Variants in CGNL1 observed in about 807,000 individuals in gnomAD.
CGNL1 encodes the protein cingulin-like protein 1.
A neutral mutation model predicts 141.2 loss-of-function variants in CGNL1; 132 were observed. That is an observed-to-expected ratio of 0.93 (90% CI 0.81 to 1.08). The LOEUF (loss-of-function observed/expected upper bound fraction) is 1.08, where lower values mean the gene tolerates loss of function less well. Ranked by LOEUF, CGNL1 falls within the 50% of genes least tolerant of loss-of-function variation. CGNL1 has a pLI of 0.00. For missense variants in CGNL1, 1,870 were observed against 1,588.6 expected (o/e 1.18, Z -3.01); for synonymous variants, 690 against 622.1 (o/e 1.11, Z -1.63).
intron 14 of CGNL1, among the ~76,000 whole-genome samples, chr15:57,538,917 C>T (rs1249761100): frequency 6.6e-6 from 1 of 152,140 alleles, no homozygotes; most frequent in Non-Finnish European, 1.5e-5. Context: ...GAGTTTTTGT[C>T]AGAAAACCTA....
At chr15:57,472,648 C>A (rs1467384853) in intron 8 of CGNL1, among the ~76,000 whole-genome samples, 5 of 152,190 alleles carry the variant, frequency 3.3e-5, no homozygotes, top group Non-Finnish European at 7.3e-5. Flanking sequence ...CTGTCCCTGT[C>A]TCTCCTGACT....
intron 12 of CGNL1, among the ~76,000 whole-genome samples, chr15:57,524,993 T>G (rs6493933): frequency 6.6e-6 from 1 of 151,960 alleles, no homozygotes; most frequent in Admixed American, 6.6e-5. Flanking sequence ...GATGAATCTA[T>G]AATTTTTTGC....
chr15:57,493,476 C>G (rs1472535292), intron 8 of CGNL1, among the ~76,000 whole-genome samples: 1 of 152,082 alleles, frequency 6.6e-6, no homozygotes, highest in East Asian at 1.9e-4. Flanking sequence ...AGAGACAGCC[C>G]AAGTACAATA....
intron 8 of CGNL1, among the ~76,000 whole-genome samples, chr15:57,491,808 A>G (rs1255149412): frequency 6.6e-6 from 1 of 152,216 alleles, no homozygotes; most frequent in Non-Finnish European, 1.5e-5. Context: ...AAGTGCTTTA[A>G]AAATATGTTC....
chr15:57,438,682 A>G lies in CGNL1; in HGVS notation c.683A>G (p.Lys228Arg). 2 of 1,614,176 alleles carry G rather than the reference A, an allele frequency of 1.2e-6. No homozygotes were observed. Among genetic ancestry groups the G allele is most frequent in the East Asian group, 4.5e-5 (2 of 44,880 alleles). Reference protein sequence around the residue: ...LCSSVVIEDPKKQTSVCVNVQ... With the variant: ...LCSSVVIEDPRKQTSVCVNVQ... ...AGCTCCGTGGTCATAGAGGACCCCA[A>G]AAAGCAGACCTCAGTGTGTGTAAAC... The change falls in exon 2 of 19, where the codon AAA (lysine) becomes AGA (arginine). Residue 228 changes from lysine (K) to arginine (R), a missense_variant. By Grantham distance (26) the Lys-to-Arg change is conservative. Coordinates refer to ENST00000281282, the MANE Select transcript of CGNL1 (RefSeq NM_032866.5).
At chr15:57,490,295 T>C (rs58764014) in intron 8 of CGNL1, among the ~76,000 whole-genome samples, 4,210 of 152,182 alleles carry the variant, frequency 0.028, 186 homozygotes, top group African/African-American at 0.096. Flanking sequence ...TTCTATGACG[T>C]TGATGCATTT....
At chr15:57,453,365 T>C (rs2063342803) in intron 6 of CGNL1, among the ~76,000 whole-genome samples, 1 of 152,238 alleles carries the variant, frequency 6.6e-6, no homozygotes, top group African/African-American at 2.4e-5. Flanking sequence ...GAAATTTTTC[T>C]GTTTCATTTC....
chr15:57,516,922 A>G lies in CGNL1; in HGVS notation c.2546A>G (p.Gln849Arg), dbSNP rs1296517301. The change falls in exon 9 of 19, where the codon CAA (glutamine) becomes CGA (arginine). Residue 849 changes from glutamine (Q) to arginine (R), a missense_variant. Gln to Arg is a conservative substitution (Grantham distance 43, BLOSUM62 1). Transcript: ENST00000281282. ...EELERRVAQL[Q>R]RQIEDLKGDE... ...CTGGAGCGGAGAGTTGCTCAGCTTC[A>G]AAGGCAGATCGAGGACCTGAAAGGC... is the stretch of plus-strand genomic sequence containing the variant. The G allele has an allele frequency of 1.2e-6, 2 of 1,613,522 alleles. No individual in the cohort carries two copies. The highest frequency in any genetic ancestry group is 1.7e-6 in the Non-Finnish European group (2 of 1,180,038).
At chr15:57,468,739 G>T (rs143065740) in intron 8 of CGNL1, among the ~76,000 whole-genome samples, 1 of 152,114 alleles carries the variant, frequency 6.6e-6, no homozygotes. Context: ...CCTAAATCTC[G>T]TCTTGAATTG....
chr15:57,525,640 A>T (rs529061153), intron 12 of CGNL1, among the ~76,000 whole-genome samples: 1 of 152,166 alleles, frequency 6.6e-6, no homozygotes, highest in African/African-American at 2.4e-5. Flanking sequence ...TGCCGAGAGC[A>T]CCAAGATTCC....
At chr15:57,380,699 T>C (rs2062414889) in intron 1 of CGNL1, among the ~76,000 whole-genome samples, 1 of 151,182 alleles carries the variant, frequency 6.6e-6, no homozygotes, top group African/African-American at 2.4e-5. Context: ...AGGTGGGAGG[T>C]GGAGGAAGAG....
At chr15:57,455,890 T>C (rs1176533911) in intron 7 of CGNL1, among the ~76,000 whole-genome samples, 1 of 152,174 alleles carries the variant, frequency 6.6e-6, no homozygotes, top group African/African-American at 2.4e-5. Flanking sequence ...GCACATATTT[T>C]CTTAAACCTG....
chr15:57,526,052 T>C (rs191839023), intron 12 of CGNL1, among the ~76,000 whole-genome samples: 1 of 152,266 alleles, frequency 6.6e-6, no homozygotes, highest in Admixed American at 6.5e-5. Flanking sequence ...ATGATTTTTA[T>C]GATAGAATCC....
At chr15:57,435,954 C>G (rs1343934825) in intron 1 of CGNL1, among the ~76,000 whole-genome samples, 1 of 152,156 alleles carries the variant, frequency 6.6e-6, no homozygotes, top group African/African-American at 2.4e-5. Context: ...ACTTCATTTT[C>G]TGACCACAAT....
intron 1 of CGNL1, among the ~76,000 whole-genome samples, chr15:57,405,328 A>G (rs1471286843): frequency 3.3e-5 from 5 of 152,206 alleles, no homozygotes; most frequent in Non-Finnish European, 7.4e-5. Flanking sequence ...GCTGCTTTCT[A>G]TCTCACACTC....
At chr15:57,537,462 T>A (rs912709468) in intron 14 of CGNL1, among the ~76,000 whole-genome samples, 1 of 151,966 alleles carries the variant, frequency 6.6e-6, no homozygotes, top group African/African-American at 2.4e-5. Flanking sequence ...TTAATTGAAA[T>A]GCTCCTAATC....
At chr15:57,419,111 T>C (rs1318185732) in intron 1 of CGNL1, among the ~76,000 whole-genome samples, 1 of 152,164 alleles carries the variant, frequency 6.6e-6, no homozygotes, top group South Asian at 2.1e-4. Context: ...TTTGTATTTT[T>C]AGTAGAGACG....
At chr15:57,546,347 G>T (rs1466972801) in intron 18 of CGNL1, 108 bp downstream of exon 18, 19 of 1,328,366 alleles carry the variant, frequency 1.4e-5, no homozygotes, top group Non-Finnish European at 1.8e-5. Context: ...GCTCCTCATT[G>T]TTGCTTTTGG....
intron 1 of CGNL1, among the ~76,000 whole-genome samples, chr15:57,413,512 C>G (rs561823098): frequency 6.6e-6 from 1 of 152,008 alleles, no homozygotes; most frequent in Non-Finnish European, 1.5e-5. Flanking sequence ...TCTGGAACTT[C>G]TGGGCTCAGG....
Sources: gnomAD v4.1 joint callset for allele counts (sites outside exome capture counted in the v4.1 genomes callset) on GRCh38, gnomAD v4.1.1 for gene constraint, MANE v1.5 for transcripts, NCBI Gene and HGNC (gene_info 2026-07-23, HGNC 2026-07-21) for gene names.